The following LMBRD1 variants were observed in gnomAD, a reference collection of about 807,000 sequenced individuals.
The protein encoded by LMBRD1 is lysosomal cobalamin transport escort protein LMBD1.
LMBRD1 carries 64 observed loss-of-function variants against 74.8 expected under a neutral mutation model. The observed-to-expected ratio is 0.86, with a 90% CI of 0.70 to 1.05. The LOEUF (loss-of-function observed/expected upper bound fraction) is 1.05. LMBRD1 is among the 50% of genes least tolerant of loss of function. The pLI, the probability that LMBRD1 is intolerant of heterozygous loss-of-function variation, is 0.00. For missense variants in LMBRD1, 652 were observed against 645.9 expected (o/e 1.01, Z -0.10); for synonymous variants, 204 against 216.3 (o/e 0.94, Z 0.50).
chr6:69,751,760 T>C (rs965245209), intron 4 of LMBRD1, among the ~76,000 whole-genome samples: 2 of 152,240 alleles, frequency 1.3e-5, no homozygotes, highest in Admixed American at 6.5e-5. Flanking sequence ...TACTGGATCA[T>C]AAAATGTTCG....
intron 14 of LMBRD1, among the ~76,000 whole-genome samples, chr6:69,694,273 G>GT (rs1219090427): frequency 3.3e-5 from 5 of 152,002 alleles, no homozygotes; most frequent in Non-Finnish European, 7.4e-5. Flanking sequence ...CAATACTATT[G>GT]TAACAATTTG....
intron 7 of LMBRD1, among the ~76,000 whole-genome samples, chr6:69,735,527 G>C (rs1211575362): frequency 6.6e-6 from 1 of 151,568 alleles, no homozygotes; most frequent in South Asian, 2.1e-4. Flanking sequence ...AACCAATTCA[G>C]TATGAATACT....
chr6:69,723,047 T>C (rs147544827), intron 7 of LMBRD1, among the ~76,000 whole-genome samples: 1 of 152,186 alleles, frequency 6.6e-6, no homozygotes, highest in East Asian at 1.9e-4. Context: ...TTGGGGAACA[T>C]AGATTTCAAG....
intron 7 of LMBRD1, among the ~76,000 whole-genome samples, chr6:69,733,785 T>C (rs1766914166): frequency 6.6e-6 from 1 of 152,192 alleles, no homozygotes; most frequent in Admixed American, 6.5e-5. Context: ...CTTTTTGACT[T>C]ACCTTTGAAT....
At chr6:69,723,670 T>C (rs1190579350) in intron 7 of LMBRD1, among the ~76,000 whole-genome samples, 1 of 151,894 alleles carries the variant, frequency 6.6e-6, no homozygotes, top group Non-Finnish European at 1.5e-5. Context: ...ACAGCGAAAG[T>C]AGCAGTAAGA....
rs1766076115 is a variant in LMBRD1 at position 69,699,268 on chromosome 6, G to A, written c.1189-76C>T. The A allele has an allele frequency of 6.9e-6, 9 of 1,304,676 alleles. No individual in the cohort carries two copies. The South Asian group carries it at 8.3e-5, about 12-fold the overall frequency. The allele number at this position is 1,304,676 out of a possible 1,614,324, so 80.8% of individuals were successfully genotyped here. Reference sequence around the variant, plus strand: ...CATTAAATCCTTTTCTTGTGTTATGGGAAATGATTTACACAGTTCAATCAA... The same window carrying A: ...CATTAAATCCTTTTCTTGTGTTATGAGAAATGATTTACACAGTTCAATCAA... On this transcript the variant is annotated intron_variant, in intron 12 of 15. Transcript: ENST00000649934.
chr6:69,719,501 T>G (rs1766568816), intron 7 of LMBRD1, among the ~76,000 whole-genome samples: 1 of 152,166 alleles, frequency 6.6e-6, no homozygotes, highest in Non-Finnish European at 1.5e-5. Context: ...TACATGTTAT[T>G]TGATTAGCAT....
chr6:69,772,774 A>C (rs1024608137), intron 3 of LMBRD1, among the ~76,000 whole-genome samples: 2 of 152,194 alleles, frequency 1.3e-5, no homozygotes. Flanking sequence ...AAAGCACTGA[A>C]ATATATTATT....
At chr6:69,698,523 T>C (rs975800066) in intron 13 of LMBRD1, among the ~76,000 whole-genome samples, 1 of 152,006 alleles carries the variant, frequency 6.6e-6, no homozygotes, top group Non-Finnish European at 1.5e-5. Context: ...AATCCAAACT[T>C]ACTGTTCTAT....
intron 9 of LMBRD1, among the ~76,000 whole-genome samples, chr6:69,712,510 G>T (rs1490834432): frequency 6.6e-6 from 1 of 150,424 alleles, no homozygotes; most frequent in East Asian, 1.9e-4. Flanking sequence ...AATTCATAAA[G>T]AAAATGTCAC....
intron 14 of LMBRD1, among the ~76,000 whole-genome samples, chr6:69,689,011 C>G (rs1047676990): frequency 3.3e-5 from 5 of 151,924 alleles, no homozygotes; most frequent in African/African-American, 7.2e-5. Flanking sequence ...GATTTGGATA[C>G]TAGTTACTAA....
intron 9 of LMBRD1, among the ~76,000 whole-genome samples, chr6:69,713,374 T>C (rs1427164667): frequency 1.3e-5 from 2 of 152,156 alleles, no homozygotes. Flanking sequence ...TATAGGAAAG[T>C]ATAAACTTGA....
At chr6:69,694,493 C>A (rs1456285487) in intron 14 of LMBRD1, among the ~76,000 whole-genome samples, 1 of 152,132 alleles carries the variant, frequency 6.6e-6, no homozygotes, top group African/African-American at 2.4e-5. Flanking sequence ...AAATTCTGTT[C>A]TATTTATTTA....
chr6:69,739,228 C>A (rs564091376), intron 6 of LMBRD1, among the ~76,000 whole-genome samples: 1 of 152,084 alleles, frequency 6.6e-6, no homozygotes, highest in Admixed American at 6.5e-5. Flanking sequence ...AATAGACATG[C>A]TGACATATTT....
chr6:69,688,029 A>C (rs570745732), intron 14 of LMBRD1, among the ~76,000 whole-genome samples: 4 of 152,236 alleles, frequency 2.6e-5, no homozygotes, highest in South Asian at 2.1e-4. Flanking sequence ...TTAAGACAGG[A>C]GCAATCTAGC....
intron 14 of LMBRD1, among the ~76,000 whole-genome samples, chr6:69,681,860 TTTA>T (rs1037300880): frequency 1.3e-5 from 2 of 151,958 alleles, no homozygotes; most frequent in Admixed American, 6.6e-5. Context: ...GAGCTTGGAT[TTTA>T]TTGTGATATG....
At chr6:69,789,073 T>C (rs1766023545) in intron 2 of LMBRD1, among the ~76,000 whole-genome samples, 1 of 152,224 alleles carries the variant, frequency 6.6e-6, no homozygotes, top group Non-Finnish European at 1.5e-5. Context: ...ACTATCTTTA[T>C]AACATTACAA....
Position 69,702,965 on chromosome 6 carries a change from G to C in LMBRD1, c.916-1012C>G, listed in dbSNP as rs143664395. On this transcript the variant is annotated intron_variant, in intron 9 of 15. Transcript: ENST00000649934. ...TAGCCTGAAAAGATGATTTTTGGAAGTAATTTTGGACCTGTGCTCTGGGGA... is the reference window on the plus strand; with the variant it reads ...TAGCCTGAAAAGATGATTTTTGGAACTAATTTTGGACCTGTGCTCTGGGGA... Among the ~76,000 whole-genome samples, 530 of 152,170 alleles carry C rather than the reference G, an allele frequency of 3.5e-3. 1 individual carries two copies. The highest frequency in any genetic ancestry group is 0.012 in the African/African-American group (512 of 41,520).
At chr6:69,694,212 T>C (rs1330237654) in intron 14 of LMBRD1, among the ~76,000 whole-genome samples, 2 of 152,138 alleles carry the variant, frequency 1.3e-5, no homozygotes, top group Non-Finnish European at 2.9e-5. Flanking sequence ...CCGTTATCAG[T>C]TCAACATAAT....
Sources: allele counts gnomAD v4.1 joint callset (sites outside exome capture counted in the v4.1 genomes callset), GRCh38; gene constraint gnomAD v4.1.1; transcripts MANE v1.5; gene names NCBI Gene and HGNC (gene_info 2026-07-23, HGNC 2026-07-21).